The following TMEM131 variants were observed in gnomAD, a reference collection of about 807,000 sequenced individuals.
TMEM131 encodes the protein transmembrane protein 131.
Under a neutral mutation model 211.6 loss-of-function variants are expected in TMEM131, and 66 were observed. The ratio of observed to expected loss-of-function variants is 0.31; its 90% CI spans 0.26 to 0.38. The LOEUF (loss-of-function observed/expected upper bound fraction) is 0.38. Among genes scored for constraint, TMEM131 ranks in the 10% least tolerant of loss-of-function variants. The pLI, the probability that TMEM131 is intolerant of heterozygous loss-of-function variation, is 1.00. For synonymous variants in TMEM131, 844 were observed against 841.3 expected (o/e 1.00, Z -0.06); for missense variants, 2,036 against 2,299.3 (o/e 0.89, Z 2.34).
At chr2:97,917,160 T>C (rs561386152) in intron 2 of TMEM131, among the ~76,000 whole-genome samples, 28 of 152,316 alleles carry the variant, frequency 1.8e-4, no homozygotes, top group African/African-American at 6.7e-4. Flanking sequence ...TTCTGCCAGC[T>C]TTTGCAAATA....
rs1675882883 is a variant in TMEM131 at position 97,902,146 on chromosome 2, C to G, written c.290+6512G>C. Among the ~76,000 whole-genome samples, 3 of 151,670 alleles carry G rather than the reference C, an allele frequency of 2.0e-5. No homozygotes were observed. The South Asian group carries it at 6.3e-4, about 32-fold the overall frequency. On this transcript the variant is annotated intron_variant, in intron 3 of 40. Transcript: ENST00000186436. ...TGGGATACAGAGAGAAACAAATAAA[C>G]TAAACTTCATTTAAAATGTACAACA...
At chr2:97,966,043 AC>A (rs1220510607) in intron 1 of TMEM131, among the ~76,000 whole-genome samples, 1 of 152,090 alleles carries the variant, frequency 6.6e-6, no homozygotes, top group East Asian at 1.9e-4. Flanking sequence ...TTAAAAAAAA[AC>A]TTAAATTGCA....
At chr2:97,950,157 C>T (rs1369738911) in intron 1 of TMEM131, among the ~76,000 whole-genome samples, 1 of 152,068 alleles carries the variant, frequency 6.6e-6, no homozygotes, top group African/African-American at 2.4e-5. Flanking sequence ...CATATAGATA[C>T]CTTATCAAGC....
intron 1 of TMEM131, among the ~76,000 whole-genome samples, chr2:97,941,022 C>A (rs552249832): frequency 6.6e-6 from 1 of 152,256 alleles, no homozygotes; most frequent in South Asian, 2.1e-4. Flanking sequence ...CCAAGACAAT[C>A]CTAAGCCAAA....
chr2:97,959,132 T>C (rs1193193385), intron 1 of TMEM131, among the ~76,000 whole-genome samples: 1 of 151,966 alleles, frequency 6.6e-6, no homozygotes, highest in African/African-American at 2.4e-5. Flanking sequence ...GACTCTAAAG[T>C]AGATGCCTTG....
chr2:97,765,984 A>C, intron 35 of TMEM131, 130 bp downstream of exon 35: 1 of 1,183,456 alleles, frequency 8.4e-7, no homozygotes, highest in Non-Finnish European at 1.2e-6. Context: ...CTAGTTAACA[A>C]TGGGCTCTTA....
At chr2:97,930,241 A>T (rs1677162275) in intron 1 of TMEM131, among the ~76,000 whole-genome samples, 1 of 151,848 alleles carries the variant, frequency 6.6e-6, no homozygotes, top group Non-Finnish European at 1.5e-5. Flanking sequence ...ACAAGAAACA[A>T]CTGGAAACGA....
At chr2:97,812,910 C>T (rs1330397819) in intron 15 of TMEM131, among the ~76,000 whole-genome samples, 161 bp from the exon 16 acceptor site, 2 of 151,904 alleles carry the variant, frequency 1.3e-5, no homozygotes, top group Non-Finnish European at 2.9e-5. Flanking sequence ...AGGCTGAGCT[C>T]AGGCAGGAGA....
At chr2:97,928,339 T>C (rs566099458) in intron 1 of TMEM131, among the ~76,000 whole-genome samples, 6 of 152,086 alleles carry the variant, frequency 3.9e-5, no homozygotes, top group South Asian at 4.1e-4. Flanking sequence ...ATGGGAAAGG[T>C]TGAATAAGTG....
At chr2:97,844,387 T>A in intron 5 of TMEM131, 126 bp from the exon 6 acceptor site, 1 of 376,952 alleles carries the variant, frequency 2.7e-6, no homozygotes, top group Non-Finnish European at 4.9e-6. Flanking sequence ...AGCTTTAAGT[T>A]AGCAGTGGAA....
chr2:97,829,309 C>T (rs1440070641), intron 11 of TMEM131, among the ~76,000 whole-genome samples: 1 of 152,168 alleles, frequency 6.6e-6, no homozygotes, highest in African/African-American at 2.4e-5. Context: ...AATCAGCACT[C>T]TGTAAAAATG....
Position 97,935,691 on chromosome 2 carries a change from A to C in TMEM131, c.188-8204T>G, listed in dbSNP as rs370776826. ...AAAGCAACAGAGGTACTGTCAGTGA[A>C]AATGGCAAAGTTAGGGACATTTGAA... is the stretch of plus-strand genomic sequence containing the variant. On this transcript the variant is annotated intron_variant, in intron 1 of 40. Coordinates refer to ENST00000186436, the MANE Select transcript of TMEM131 (RefSeq NM_015348.2). Among the ~76,000 whole-genome samples, 149 of 152,338 alleles carry C rather than the reference A, an allele frequency of 9.8e-4. 3 individuals carry two copies. In the South Asian group the frequency reaches 0.03, roughly 31 times the overall value.
At chr2:97,929,723 C>T (rs796925207) in intron 1 of TMEM131, among the ~76,000 whole-genome samples, 3 of 151,946 alleles carry the variant, frequency 2.0e-5, no homozygotes, top group African/African-American at 7.3e-5. Flanking sequence ...CATCCCCTAA[C>T]CAGTCTGTGG....
At chr2:97,804,350 C>T (rs887800614) in intron 22 of TMEM131, among the ~76,000 whole-genome samples, 1 of 152,050 alleles carries the variant, frequency 6.6e-6, no homozygotes, top group Non-Finnish European at 1.5e-5. Flanking sequence ...TGTGTGCTCC[C>T]GAATAGCTCA....
rs796391932 is a variant in TMEM131, at chr2:97,827,160, T to C, written c.1074+6205A>G. On this transcript the variant is annotated intron_variant, in intron 11 of 40. Coordinates refer to ENST00000186436, the MANE Select transcript of TMEM131 (RefSeq NM_015348.2). ...AAAAGTTAACAGTGTTGGGGAGGAGTGGCAGCGGCAAGGCAGCCCAGTTTC... is the reference window on the plus strand; with the variant it reads ...AAAAGTTAACAGTGTTGGGGAGGAGCGGCAGCGGCAAGGCAGCCCAGTTTC... 29 of 600,656 alleles carry C rather than the reference T, an allele frequency of 4.8e-5. No individual in the cohort carries two copies. In the African/African-American group the frequency reaches 5.0e-4, roughly 10 times the overall value. 37.2% of individuals were successfully genotyped at this position (600,656 alleles called of 1,614,324 possible). A position where few individuals can be genotyped will look rare whatever the true frequency, so the allele number is the denominator to read the frequency against.
At chr2:97,943,483 A>G (rs1677895925) in intron 1 of TMEM131, among the ~76,000 whole-genome samples, 1 of 152,374 alleles carries the variant, frequency 6.6e-6, no homozygotes, top group East Asian at 1.9e-4. Context: ...AGACTTGTAC[A>G]CTGTGAACTA....
At chr2:97,957,132 T>G (rs1198703916) in intron 1 of TMEM131, among the ~76,000 whole-genome samples, 1 of 151,978 alleles carries the variant, frequency 6.6e-6, no homozygotes, top group Non-Finnish European at 1.5e-5. Context: ...CAGCAATAAT[T>G]TTTAAAATGA....
At chr2:97,926,304 A>C (rs1676989759) in intron 2 of TMEM131, among the ~76,000 whole-genome samples, 1 of 152,188 alleles carries the variant, frequency 6.6e-6, no homozygotes, top group Non-Finnish European at 1.5e-5. Context: ...GAAATGCTAC[A>C]TGTACATTTT....
intron 11 of TMEM131, among the ~76,000 whole-genome samples, chr2:97,821,229 T>A (rs1188996501): frequency 1.3e-5 from 2 of 152,170 alleles, no homozygotes; most frequent in East Asian, 3.9e-4. Context: ...ATCAGCACTC[T>A]GTCTCTAAAG....
Sources: gnomAD v4.1 joint callset for allele counts (sites outside exome capture counted in the v4.1 genomes callset) on GRCh38, gnomAD v4.1.1 for gene constraint, MANE v1.5 for transcripts, NCBI Gene and HGNC (gene_info 2026-07-23, HGNC 2026-07-21) for gene names.